ARPC3: variants seen among roughly 807,000 people sequenced by gnomAD.
ARPC3 encodes the protein actin related protein 2/3 complex subunit 3, also known as actin-related protein 2/3 complex subunit 3.
ARPC3 carries 12 observed loss-of-function variants against 27.6 expected under a neutral mutation model. The observed-to-expected ratio is 0.43, with a 90% CI of 0.28 to 0.70. The LOEUF is 0.70. ARPC3 is among the 30% of genes least tolerant of loss of function. ARPC3 has a pLI of 0.17. For synonymous variants in ARPC3, 53 were observed against 67.2 expected, an observed-to-expected ratio of 0.79 and a Z score of 1.03; for missense variants, 153 against 207.7, an observed-to-expected ratio of 0.74 and a Z score of 1.62.
At chr12:110,448,280 G>A (rs945918369) in intron 1 of ARPC3, among the ~76,000 whole-genome samples, 1 of 152,058 alleles carries the variant, frequency 6.6e-6, no homozygotes, top group Admixed American at 6.6e-5. Context: ...CAGGAATCAT[G>A]GTACCTACTT....
At chr12:110,442,164 G>C (rs2062441219) in intron 2 of ARPC3, among the ~76,000 whole-genome samples, 2 of 151,516 alleles carry the variant, frequency 1.3e-5, no homozygotes, top group South Asian at 4.2e-4. Context: ...CACAGCACCA[G>C]GCAAAAAAAA....
rs1181335568 is a variant in ARPC3, at chr12:110,440,345, C to T, written c.150G>A (p.Lys50=). The T allele has an allele frequency of 2.5e-6, 4 of 1,611,498 alleles. No homozygotes were observed. Among genetic ancestry groups the T allele is most frequent in the Non-Finnish European group, 3.4e-6 (4 of 1,177,776 alleles). ...CATAGTTTTTGAAGAAGACATTGGC[C>T]TTGAAGTAATAGATGGCTTCATCCA... The part of the protein sequence containing the change: ...DIVDEAIYYF[K]ANVFFKNYEI... Residue 50 remains lysine, a synonymous_variant, in exon 3 of 7, where the codon AAG becomes AAA. Coordinates refer to ENST00000228825, the MANE Select transcript of ARPC3 (RefSeq NM_001278556.2).
At chr12:110,439,110 C>T (rs1287042584) in intron 3 of ARPC3, among the ~76,000 whole-genome samples, 4 of 151,842 alleles carry the variant, frequency 2.6e-5, no homozygotes, top group African/African-American at 4.8e-5. Context: ...TTCAGCCTCC[C>T]GAGTAGCTGG....
At chr12:110,436,711 TACACAC>T (rs375877607) in intron 4 of ARPC3, 28 bp from the exon 5 acceptor site, 8,293 of 380,138 alleles carry the variant, frequency 0.022, 68 homozygotes, top group South Asian at 0.043. Flanking sequence ...TATATATATA[TACACAC>T]ACACACACAC....
chr12:110,443,350 C>T (rs11614598), intron 2 of ARPC3, among the ~76,000 whole-genome samples: 3,310 of 152,216 alleles, frequency 0.022, 50 homozygotes, highest in Middle Eastern at 0.048. Flanking sequence ...GATCTCCTGA[C>T]CTCGTGATCC....
At chr12:110,435,991 A>C (rs1454364198) in intron 6 of ARPC3, 119 bp downstream of exon 6, 1 of 835,186 alleles carries the variant, frequency 1.2e-6, no homozygotes, top group African/African-American at 1.7e-5. Flanking sequence ...CTGGAAGTTA[A>C]GCAACATTGC....
chr12:110,435,322 CTTT>C (rs372540827), intron 6 of ARPC3, 105 bp from the exon 7 acceptor site: 1,126 of 676,270 alleles, frequency 1.7e-3, no homozygotes, highest in Middle Eastern at 2.6e-3. Context: ...CTCTTATAAA[CTTT>C]TTTTTTTTTT....
chr12:110,450,131 C>G, intron 1 of ARPC3, 124 bp downstream of exon 1: 54 of 1,353,686 alleles, frequency 4.0e-5, no homozygotes, highest in Middle Eastern at 1.8e-4. Flanking sequence ...CCCCTCGCCT[C>G]CCTCCTTCTC....
At chr12:110,438,805 A>T (rs1262401298) in intron 3 of ARPC3, among the ~76,000 whole-genome samples, 3 of 148,768 alleles carry the variant, frequency 2.0e-5, no homozygotes, top group Non-Finnish European at 3.0e-5. Context: ...CACCACGCCC[A>T]GTTAATTTTG....
rs748680325 is a variant in ARPC3, at chr12:110,436,644, G to T, written c.292C>A (p.Leu98Met). The T allele has an allele frequency of 6.8e-6, 11 of 1,608,886 alleles. No individual in the cohort carries two copies. The highest frequency in any genetic ancestry group is 8.5e-6 in the Non-Finnish European group (10 of 1,178,350). The change falls in exon 5 of 7, where the codon CTG (leucine) becomes ATG (methionine). Residue 98 changes from leucine to methionine, a missense_variant. Transcript: ENST00000228825. Reference sequence around the variant, plus strand: ...GGAATGGGAAAATTAGTGATTCCCAGCGTATACATTTCTTTCTCACCTTGG... The same window carrying T: ...GGAATGGGAAAATTAGTGATTCCCATCGTATACATTTCTTTCTCACCTTGG... ...KSQGEKEMYT[L>M]GITNFPIPGE...
At chr12:110,441,187 T>TG (rs1483647968) in intron 2 of ARPC3, among the ~76,000 whole-genome samples, 5 of 147,076 alleles carry the variant, frequency 3.4e-5, no homozygotes, top group African/African-American at 1.3e-4. Flanking sequence ...TCGCCCAGAC[T>TG]GGAGTGAAAT....
chr12:110,436,301 A>G, intron 5 of ARPC3, 97 bp from the exon 6 acceptor site: 2 of 1,121,034 alleles, frequency 1.8e-6, no homozygotes, highest in Non-Finnish European at 1.3e-6. Context: ...ACATTTTTAT[A>G]CATTTGAACA....
intron 2 of ARPC3, among the ~76,000 whole-genome samples, chr12:110,441,477 G>A (rs1248278722): frequency 6.6e-6 from 1 of 152,044 alleles, no homozygotes; most frequent in African/African-American, 2.4e-5. Flanking sequence ...TATTTTTACA[G>A]CTTTATTGTT....
intron 1 of ARPC3, among the ~76,000 whole-genome samples, chr12:110,447,750 C>A (rs1016278250): frequency 6.6e-6 from 1 of 151,764 alleles, no homozygotes; most frequent in Non-Finnish European, 1.5e-5. Context: ...TCCAGCCTGG[C>A]GACACAGCAA....
intron 1 of ARPC3, among the ~76,000 whole-genome samples, chr12:110,447,812 A>G (rs962301085): frequency 2.6e-5 from 4 of 151,560 alleles, no homozygotes; most frequent in African/African-American, 7.3e-5. Flanking sequence ...CCAAAAAAAC[A>G]AACAAACAAA....
chr12:110,444,950 C>T (rs1362927720), intron 2 of ARPC3: 5 of 174,406 alleles, frequency 2.9e-5, no homozygotes, highest in East Asian at 1.6e-4. Context: ...AAAAATATTG[C>T]GGCTTTCTGA....
At chr12:110,438,183 C>T (rs2062416022) in intron 3 of ARPC3, among the ~76,000 whole-genome samples, 1 of 151,746 alleles carries the variant, frequency 6.6e-6, no homozygotes, top group Admixed American at 6.6e-5. Context: ...GTAATCCCAG[C>T]TGCTAGGGAG....
chr12:110,445,147 T>C, intron 2 of ARPC3: 1 of 324,270 alleles, frequency 3.1e-6, no homozygotes, highest in Non-Finnish European at 5.9e-6. Flanking sequence ...GATGGGCATG[T>C]GGCATTCTAG....
chr12:110,435,270 T>G, intron 6 of ARPC3, 53 bp from the exon 7 acceptor site: 1 of 1,340,228 alleles, frequency 7.5e-7, no homozygotes, highest in Non-Finnish European at 1.1e-6. Flanking sequence ...TACAATAGAA[T>G]TTGCATTTAT....
Sources: gnomAD v4.1 joint callset for allele counts (sites outside exome capture counted in the v4.1 genomes callset) on GRCh38, gnomAD v4.1.1 for gene constraint, MANE v1.5 for transcripts, NCBI Gene and HGNC (gene_info 2026-07-23, HGNC 2026-07-21) for gene names.